The following FANK1 variants were observed in gnomAD, a reference collection of about 807,000 sequenced individuals.
FANK1 encodes fibronectin type 3 and ankyrin repeat domains protein 1.
In FANK1, 44 loss-of-function variants were observed where a neutral mutation model predicts 45.3. The ratio of observed to expected loss-of-function variants is 0.97; its 90% confidence interval spans 0.76 to 1.25. The LOEUF (loss-of-function observed/expected upper bound fraction) is 1.25. FANK1 is among the 50% of genes most tolerant of loss of function. FANK1 has a pLI of 0.00. For missense variants in FANK1, 391 were observed against 424.4 expected, an observed-to-expected ratio of 0.92 and a Z score of 0.69; for synonymous variants, 149 against 152.5, an observed-to-expected ratio of 0.98 and a Z score of 0.17.
intron 3 of FANK1, among the ~76,000 whole-genome samples, chr10:125,989,962 C>G (rs1951816547): frequency 6.6e-6 from 1 of 152,204 alleles, no homozygotes; most frequent in Admixed American, 6.5e-5. Flanking sequence ...TCCCCACCGC[C>G]CACAGGCCTC....
chr10:125,944,822 C>G (rs969674092), intron 1 of FANK1, among the ~76,000 whole-genome samples: 1 of 152,178 alleles, frequency 6.6e-6, no homozygotes, highest in Admixed American at 6.5e-5. Context: ...TCTATAGAAA[C>G]AATGCTAATG....
chr10:125,960,672 G>A (rs767029145), intron 1 of FANK1, among the ~76,000 whole-genome samples: 7 of 151,996 alleles, frequency 4.6e-5, no homozygotes, highest in Admixed American at 2.6e-4. Context: ...GACTACAGGC[G>A]CCCACCACCA....
chr10:125,901,355 TC>T (rs1288488450), intron 1 of FANK1, among the ~76,000 whole-genome samples: 1 of 152,204 alleles, frequency 6.6e-6, no homozygotes, highest in East Asian at 1.9e-4. Context: ...TTCCTCTTCC[TC>T]CGTACTCCAA....
intron 1 of FANK1, among the ~76,000 whole-genome samples, chr10:125,915,387 A>C (rs2134120977): frequency 6.6e-6 from 1 of 152,202 alleles, no homozygotes; most frequent in Admixed American, 6.5e-5. Context: ...AAATTGATGC[A>C]TAAGTGGCTT....
chr10:125,949,937 A>C, intron 1 of FANK1, among the ~76,000 whole-genome samples: 1 of 138,358 alleles, frequency 7.2e-6, no homozygotes, highest in South Asian at 2.6e-4. Flanking sequence ...AATGGAACAG[A>C]ACAGAGCCCT....
At chr10:125,955,804 T>A (rs557518874) in intron 1 of FANK1, among the ~76,000 whole-genome samples, 4 of 152,302 alleles carry the variant, frequency 2.6e-5, no homozygotes, top group Admixed American at 2.0e-4. Flanking sequence ...TTTAATAAGA[T>A]CTCAGTTGTA....
intron 1 of FANK1, among the ~76,000 whole-genome samples, chr10:125,936,282 T>C (rs968960851): frequency 6.6e-6 from 1 of 152,166 alleles, no homozygotes; most frequent in African/African-American, 2.4e-5. Context: ...ATTTAGTGAT[T>C]TATTTTTTGT....
At chr10:125,957,888 C>G (rs1425011567) in intron 1 of FANK1, among the ~76,000 whole-genome samples, 1 of 152,004 alleles carries the variant, frequency 6.6e-6, no homozygotes, top group African/African-American at 2.4e-5. Context: ...CACTTTCCTT[C>G]TGAGTACTTT....
intron 1 of FANK1, among the ~76,000 whole-genome samples, chr10:125,915,552 C>T (rs567385411): frequency 1.3e-5 from 2 of 152,366 alleles, no homozygotes; most frequent in African/African-American, 4.8e-5. Context: ...TGCGGTGGCT[C>T]ACGCCTGTTA....
chr10:125,986,670 A>G (rs1362559223), intron 2 of FANK1, among the ~76,000 whole-genome samples: 1 of 152,130 alleles, frequency 6.6e-6, no homozygotes, highest in African/African-American at 2.4e-5. Context: ...CCTGTCTGTC[A>G]TGGAAGTCCT....
intron 1 of FANK1, among the ~76,000 whole-genome samples, chr10:125,948,813 C>A (rs1948998346): frequency 6.7e-6 from 1 of 149,218 alleles, no homozygotes; most frequent in East Asian, 2.0e-4. Context: ...GAGACACAAC[C>A]AAAAAAGAGA....
intron 1 of FANK1, among the ~76,000 whole-genome samples, chr10:125,923,150 A>AT (rs567660396): frequency 3.4e-4 from 51 of 148,416 alleles, no homozygotes; most frequent in Middle Eastern, 3.4e-3. Flanking sequence ...GTCAATTTTG[A>AT]TTTTTTTTTT....
intron 1 of FANK1, among the ~76,000 whole-genome samples, chr10:125,953,855 C>T (rs114406773): frequency 0.012 from 1,883 of 152,278 alleles, 48 homozygotes; most frequent in African/African-American, 0.043. Flanking sequence ...CCATGATTCT[C>T]TGCCTTCCCC....
intron 1 of FANK1, among the ~76,000 whole-genome samples, chr10:125,925,946 T>C (rs907782048): frequency 4.6e-5 from 7 of 152,100 alleles, no homozygotes; most frequent in African/African-American, 1.7e-4. Flanking sequence ...TTTCTTTTTT[T>C]CCTTTCTTGC....
chr10:125,925,088 C>T (rs1947251864), intron 1 of FANK1, among the ~76,000 whole-genome samples: 6 of 151,870 alleles, frequency 4.0e-5, no homozygotes, highest in Admixed American at 3.9e-4. Context: ...GTAGTTAAAT[C>T]TCATGTTCTA....
At chr10:125,965,154 C>T (rs1950137744) in intron 1 of FANK1, among the ~76,000 whole-genome samples, 1 of 152,164 alleles carries the variant, frequency 6.6e-6, no homozygotes, top group South Asian at 2.1e-4. Context: ...AAAACTCCGT[C>T]TCTAAATAAA....
At chr10:125,952,704 C>T (rs1024581812) in intron 1 of FANK1, among the ~76,000 whole-genome samples, 22 of 151,758 alleles carry the variant, frequency 1.4e-4, no homozygotes, top group African/African-American at 5.3e-4. Flanking sequence ...TTGCCTCTCT[C>T]CTGTGGAATG....
chr10:125,967,020 A>G (rs779306725), intron 1 of FANK1, among the ~76,000 whole-genome samples: 1 of 152,202 alleles, frequency 6.6e-6, no homozygotes, highest in Non-Finnish European at 1.5e-5. Flanking sequence ...TTTCCTTAGT[A>G]TATCATCTTC....
At chr10:125,950,858 G>A (rs1406149503) in intron 1 of FANK1, among the ~76,000 whole-genome samples, 1 of 148,906 alleles carries the variant, frequency 6.7e-6, no homozygotes, top group Non-Finnish European at 1.5e-5. Context: ...GTCCAACAAT[G>A]ATAGACTGGA....
Sources: allele counts gnomAD v4.1 joint callset (sites outside exome capture counted in the v4.1 genomes callset), GRCh38; gene constraint gnomAD v4.1.1; transcripts MANE v1.5; gene names NCBI Gene and HGNC (gene_info 2026-07-23, HGNC 2026-07-21).